IP6K1: variants seen among roughly 807,000 people sequenced by gnomAD.
IP6K1 encodes inositol hexakisphosphate kinase 1, also known as ATP:1D-myo-inositol-hexakisphosphate phosphotransferase.
A neutral mutation model predicts 38.3 loss-of-function variants in IP6K1; 13 were observed. That is an observed-to-expected ratio of 0.34 (90% CI 0.22 to 0.54). The LOEUF is 0.54. IP6K1 is among the 20% of genes least tolerant of loss of function. The probability of loss-of-function intolerance (pLI) is 0.92; values close to 1 mark genes in which losing one functional copy is unlikely to be tolerated. For synonymous variants in IP6K1, 212 were observed against 229.9 expected (o/e 0.92, Z 0.70); for missense variants, 397 against 599.8 (o/e 0.66, Z 3.53).
chr3:49,776,936 C>T (rs2081021790), intron 1 of IP6K1, among the ~76,000 whole-genome samples: 2 of 152,278 alleles, frequency 1.3e-5, no homozygotes, highest in South Asian at 2.1e-4. Context: ...CTATGACTAA[C>T]TGACATCTTT....
chr3:49,782,464 C>T (rs982540591), intron 1 of IP6K1, among the ~76,000 whole-genome samples: 1 of 152,006 alleles, frequency 6.6e-6, no homozygotes, highest in Non-Finnish European at 1.5e-5. Context: ...CCACCGCGCC[C>T]GGCCTGGAGG....
At chr3:49,747,673 T>G in intron 2 of IP6K1, 145 bp downstream of exon 2, 2 of 1,034,984 alleles carry the variant, frequency 1.9e-6, no homozygotes, top group Non-Finnish European at 2.8e-6. Context: ...GCTTTCAGCC[T>G]CTAATTTTAT....
At position 49,727,030 on chromosome 3, in the gene IP6K1, A is replaced by G; in HGVS notation, c.*92T>C. On this transcript the variant is annotated 3_prime_UTR_variant, in exon 6 of 6. Transcript: ENST00000321599. This position sits in a 1 kb window ranked among gnomAD's most constrained non-coding sequence, Gnocchi z 5.9. ...ACACCAAAGAGAAATATAACCCTTT[A>G]AAAGCAAGTCTGTGTGTCCTCACGG... 1 of 1,273,918 alleles carries G rather than the reference A, an allele frequency of 7.8e-7. No homozygotes were observed. The highest frequency in any genetic ancestry group is 1.1e-6 in the Non-Finnish European group (1 of 916,402). The allele number at this position is 1,273,918 out of a possible 1,614,324, so 78.9% of individuals were successfully genotyped here. A position where few individuals can be genotyped will look rare whatever the true frequency, so the allele number is the denominator to read the frequency against.
chr3:49,728,208 C>T lies in IP6K1; in HGVS notation c.687G>A (p.Thr229=), dbSNP rs748386503. 1.2e-6 allele frequency: 2 copies of T among 1,614,168 alleles called. No homozygotes were observed. The highest frequency in any genetic ancestry group is 1.7e-5 in the Admixed American group (1 of 60,028). ...YPCVLDLKMG[T]RQHGDDASAE... is the part of the protein sequence containing the mutation. ...CTGACGCGTCATCGCCATGCTGCCG[C>T]GTGCCCATCTTCAGGTCCAACACGC... is the stretch of plus-strand genomic sequence containing the variant. Residue 229 remains threonine, a synonymous_variant, in exon 5 of 6, where the codon ACG becomes ACA. Transcript: ENST00000321599.
chr3:49,773,824 T>C (rs2080981536), intron 1 of IP6K1, among the ~76,000 whole-genome samples: 1 of 152,104 alleles, frequency 6.6e-6, no homozygotes, highest in Non-Finnish European at 1.5e-5. Context: ...CCCTGATCCA[T>C]ACAACATCTT....
Position 49,726,979 on chromosome 3 carries a change from A to T in IP6K1, c.*143T>A. 1.2e-6 allele frequency: 1 copy of T among 844,518 alleles called. No individual in the cohort carries two copies. Among genetic ancestry groups the T allele is most frequent in the Non-Finnish European group, 1.8e-6 (1 of 546,956 alleles). 52.3% of individuals were successfully genotyped at this position (844,518 alleles called of 1,614,324 possible). A position where few individuals can be genotyped will look rare whatever the true frequency, so the allele number is the denominator to read the frequency against. On this transcript the variant is annotated 3_prime_UTR_variant, in exon 6 of 6. Coordinates refer to ENST00000321599, the MANE Select transcript of IP6K1 (RefSeq NM_153273.4). ...ACTTTATATATATGGATTCCAGGCT[A>T]CAGCTAAAAACATTTCTTTTAGTTT...
chr3:49,744,563 C>G lies in IP6K1; in HGVS notation c.223+3255G>C, dbSNP rs146435190. 5.6e-4 allele frequency among the ~76,000 whole-genome samples: 85 copies of G among 152,186 alleles called. 1 individual carries two copies. In the East Asian group the frequency reaches 0.015, roughly 27 times the overall value. On this transcript the variant is annotated intron_variant, in intron 2 of 5. Coordinates refer to ENST00000321599, the MANE Select transcript of IP6K1 (RefSeq NM_153273.4). ...CCTTTAAAGTTAGCTCTTCGTACTT[C>G]TGACATGATTTTTGACCACTTCTTT...
intron 1 of IP6K1, among the ~76,000 whole-genome samples, chr3:49,780,469 G>C (rs1316830189): frequency 6.6e-6 from 1 of 152,146 alleles, no homozygotes; most frequent in Non-Finnish European, 1.5e-5. Context: ...ATGCCTGACT[G>C]CTTCCTTGTT....
At chr3:49,748,657 G>C (rs2080744916) in intron 1 of IP6K1, among the ~76,000 whole-genome samples, 1 of 152,150 alleles carries the variant, frequency 6.6e-6, no homozygotes, top group Admixed American at 6.5e-5. Flanking sequence ...CTCCACTGAA[G>C]GTGCCAAGGA....
In IP6K1 at chr3:49,750,117, C is replaced by T. The variant is rs138960388; in HGVS notation, c.-128-1949G>A. On this transcript the variant is annotated intron_variant, in intron 1 of 5. Transcript: ENST00000321599. Reference sequence around the variant, plus strand: ...CAAAAGTCCAAGGCAGTTTCCACCACGTAGTAAATACTTAAAAATAGAGTT... The same window carrying T: ...CAAAAGTCCAAGGCAGTTTCCACCATGTAGTAAATACTTAAAAATAGAGTT... Among the ~76,000 whole-genome samples the T allele has an allele frequency of 3.3e-5, 5 of 152,296 alleles. No homozygotes were observed. In the East Asian group the frequency reaches 7.7e-4, roughly 24 times the overall value.
intron 4 of IP6K1, among the ~76,000 whole-genome samples, chr3:49,728,809 TTG>T (rs536686329): frequency 8.6e-4 from 131 of 152,116 alleles, no homozygotes; most frequent in African/African-American, 2.9e-3. Flanking sequence ...ACTCCTGACC[TTG>T]TGATTCGCCT....
rs1223999372 is a variant in IP6K1 at position 49,747,922 on chromosome 3, A to C, written c.119T>G (p.Met40Arg). ...IHQVGGHSSM[M>R]RYDDHTVCKP... ...GCACACAGTGTGATCGTCGTAACGC[A>C]TCATGCTGCTGTGTCCGCCTACTTG... Residue 40 changes from methionine to arginine, a missense_variant, in exon 2 of 6, where the codon ATG becomes AGG. By Grantham distance (91) the Met-to-Arg change is moderately conservative. Coordinates refer to ENST00000321599, the MANE Select transcript of IP6K1 (RefSeq NM_153273.4). 3 of 1,614,096 alleles carry C rather than the reference A, an allele frequency of 1.9e-6. No individual in the cohort carries two copies. The highest frequency in any genetic ancestry group is 1.7e-5 in the Admixed American group (1 of 59,998).
At chr3:49,756,581 G>A (rs1321253305) in intron 1 of IP6K1, among the ~76,000 whole-genome samples, 2 of 152,112 alleles carry the variant, frequency 1.3e-5, no homozygotes, top group African/African-American at 4.8e-5. Flanking sequence ...ACTTTGGGAG[G>A]CCAAGGCGGG....
intron 1 of IP6K1, among the ~76,000 whole-genome samples, chr3:49,782,026 G>A (rs1021713308): frequency 6.6e-6 from 1 of 151,874 alleles, no homozygotes; most frequent in Non-Finnish European, 1.5e-5. Context: ...CCAGGAATTC[G>A]AGGCTGCAGT....
chr3:49,757,391 C>A (rs2080833166), intron 1 of IP6K1, among the ~76,000 whole-genome samples: 1 of 152,218 alleles, frequency 6.6e-6, no homozygotes, highest in South Asian at 2.1e-4. Flanking sequence ...CACCTCCCTA[C>A]TGGGGAATTA....
At chr3:49,734,368 G>A (rs907893506) in intron 3 of IP6K1, among the ~76,000 whole-genome samples, 2 of 149,104 alleles carry the variant, frequency 1.3e-5, no homozygotes, top group Non-Finnish European at 3.0e-5. Flanking sequence ...GCAGCTCAGA[G>A]CAGAGGTGGA....
chr3:49,732,989 T>C lies in IP6K1; in HGVS notation c.435-17A>G. The stretch of plus-strand genomic sequence containing the variant: ...TCCTGTGAGCTAAGAAGGAAGAACA[T>C]ACACATCACTAAGAAACTCAGGCAA... On this transcript the variant is annotated splice_polypyrimidine_tract_variant and intron_variant, in intron 3 of 5. Transcript: ENST00000321599. 1.3e-6 allele frequency: 2 copies of C among 1,598,104 alleles called. No individual in the cohort carries two copies. The highest frequency in any genetic ancestry group is 1.7e-6 in the Non-Finnish European group (2 of 1,167,206).
At position 49,738,416 on chromosome 3, in the gene IP6K1, A is replaced by G; in HGVS notation, c.230T>C (p.Val77Ala). 1.9e-6 allele frequency: 3 copies of G among 1,613,540 alleles called. No homozygotes were observed. The highest frequency in any genetic ancestry group is 2.5e-6 in the Non-Finnish European group (3 of 1,179,496). ...ACTGTCCCCCTCAAAACAGACAGAT[A>G]CCACGCCTGTTAAAAAAAGGGCAGT... Reference protein sequence around the residue: ...KEFTPEYKGVVSVCFEGDSDG... With the variant: ...KEFTPEYKGVASVCFEGDSDG... Residue 77 changes from valine (V) to alanine (A), a missense_variant, in exon 3 of 6, where the codon GTA (valine) becomes GCA (alanine). Transcript: ENST00000321599.
rs754044368 is a variant in IP6K1, at chr3:49,728,027, T to C, written c.792+76A>G. The C allele has an allele frequency of 6.2e-6, 9 of 1,454,906 alleles. No homozygotes were observed. The South Asian group carries it at 8.8e-5, about 14-fold the overall frequency. The allele number at this position is 1,454,906 out of a possible 1,614,324, so 90.1% of individuals were successfully genotyped here. The stretch of plus-strand genomic sequence containing the variant: ...GGGGCTCAGGAGGACACACTTGGCA[T>C]AGATGGCAGGCAGGTATGAGCACAA... On this transcript the variant is annotated intron_variant, in intron 5 of 5. Transcript: ENST00000321599.
Sources: allele counts gnomAD v4.1 joint callset (sites outside exome capture counted in the v4.1 genomes callset), GRCh38; gene constraint gnomAD v4.1.1; non-coding constraint Gnocchi (gnomAD v3.1); transcripts MANE v1.5; gene names NCBI Gene and HGNC (gene_info 2026-07-23, HGNC 2026-07-21).